Variants in MAF observed in about 807,000 individuals in gnomAD.
MAF encodes MAF bZIP transcription factor, also known as transcription factor Maf.
In MAF, 10 loss-of-function variants were observed where a neutral mutation model predicts 22.0. That is an observed-to-expected ratio of 0.45 (90% CI 0.28 to 0.77). MAF has a LOEUF of 0.77. MAF is among the 30% of genes least tolerant of loss of function. The pLI is 0.12. For synonymous variants in MAF, 337 were observed against 255.8 expected (o/e 1.32, Z -3.03); for missense variants, 544 against 548.4 (o/e 0.99, Z 0.08).
the MAF span, among the ~76,000 whole-genome samples, chr16:79,389,032 C>T: frequency 3.9e-5 from 6 of 152,254 alleles, no homozygotes; most frequent in East Asian, 7.7e-4. Context: ...ATTTCAGAAA[C>T]AATAATTCAC....
At chr16:79,317,029 G>A in the MAF span, among the ~76,000 whole-genome samples, 1 of 152,298 alleles carries the variant, frequency 6.6e-6, no homozygotes, top group South Asian at 2.1e-4. Flanking sequence ...ACAAGTAAGA[G>A]ATGGAGCCAA....
At chr16:79,269,996 A>T in the MAF span, among the ~76,000 whole-genome samples, 1 of 152,142 alleles carries the variant, frequency 6.6e-6, no homozygotes, top group African/African-American at 2.4e-5. Flanking sequence ...TTCATTCCAG[A>T]AAGATCACAG....
chr16:79,212,027 C>A, the MAF span: 1 of 1,536,270 alleles, frequency 6.5e-7, no homozygotes, highest in East Asian at 2.4e-5. Context: ...TCTTTGCTTT[C>A]TGGTGGTGGC....
At chr16:79,439,257 C>CTTTTTTTTTT in the MAF span, among the ~76,000 whole-genome samples, 1 of 130,804 alleles carries the variant, frequency 7.6e-6, no homozygotes, top group Non-Finnish European at 1.6e-5. Flanking sequence ...TAGGTACTTA[C>CTTTTTTTTTT]TTTTTTTTTT....
the MAF span, among the ~76,000 whole-genome samples, chr16:79,404,412 T>G: frequency 3.9e-5 from 6 of 152,174 alleles, no homozygotes; most frequent in Admixed American, 6.5e-5. Context: ...TCTGCCCGCC[T>G]TGGCCTCCCA....
the MAF span, among the ~76,000 whole-genome samples, chr16:79,291,942 G>A: frequency 6.6e-6 from 1 of 151,160 alleles, no homozygotes; most frequent in African/African-American, 2.4e-5. Context: ...TTCTCATGAG[G>A]GTACAACAGT....
chr16:79,426,603 C>T, the MAF span, among the ~76,000 whole-genome samples: 125 of 152,284 alleles, frequency 8.2e-4, 1 homozygote, highest in East Asian at 0.018. Flanking sequence ...GTGACCCAGG[C>T]CTGACCAAAC....
At chr16:79,589,188 G>A (rs30406), downstream of MAF, among the ~76,000 whole-genome samples, 21,218 of 152,170 alleles carry the variant, frequency 0.14, 1,796 homozygotes, top group South Asian at 0.19. Context: ...TCATGGAAAA[G>A]ATGCTTTCTG....
At chr16:79,222,201 G>C in the MAF span, among the ~76,000 whole-genome samples, 1 of 152,274 alleles carries the variant, frequency 6.6e-6, no homozygotes, top group Middle Eastern at 3.4e-3. Context: ...TTAAAGAAAA[G>C]AATTTTCAAC....
chr16:79,211,226 A>T, the MAF span, among the ~76,000 whole-genome samples: 1 of 152,164 alleles, frequency 6.6e-6, no homozygotes, highest in Non-Finnish European at 1.5e-5. Context: ...TTGGTATCGA[A>T]TTACATTATA....
At chr16:79,592,006 C>G (rs953882368), downstream of MAF, among the ~76,000 whole-genome samples, 1 of 152,192 alleles carries the variant, frequency 6.6e-6, no homozygotes, top group Non-Finnish European at 1.5e-5. Context: ...TTACTTCTGG[C>G]ATACATGCAC....
chr16:79,563,977 G>A, the MAF span, among the ~76,000 whole-genome samples: 13 of 152,386 alleles, frequency 8.5e-5, no homozygotes, highest in East Asian at 2.5e-3. Flanking sequence ...GCTTAGGTTT[G>A]AAGTTTATTC....
At chr16:79,385,773 C>T in the MAF span, among the ~76,000 whole-genome samples, 12 of 152,234 alleles carry the variant, frequency 7.9e-5, no homozygotes, top group East Asian at 5.8e-4. Flanking sequence ...TGGTAGTACA[C>T]GCCTGTAATC....
chr16:79,312,863 G>A, the MAF span, among the ~76,000 whole-genome samples: 18 of 152,272 alleles, frequency 1.2e-4, no homozygotes, highest in African/African-American at 4.3e-4. Flanking sequence ...TACTTACTCT[G>A]CAACTGGGGA....
the MAF span, among the ~76,000 whole-genome samples, chr16:79,508,496 C>T: frequency 6.6e-6 from 1 of 152,146 alleles, no homozygotes; most frequent in Non-Finnish European, 1.5e-5. Flanking sequence ...AGTCCCAGGG[C>T]GCTGCTCAGC....
the MAF span, among the ~76,000 whole-genome samples, chr16:79,478,432 A>C: frequency 1.3e-5 from 2 of 152,152 alleles, no homozygotes; most frequent in African/African-American, 4.8e-5. Flanking sequence ...GCCTACAGTC[A>C]TCCATGGCTA....
the MAF span, among the ~76,000 whole-genome samples, chr16:79,292,086 C>T: frequency 6.6e-6 from 1 of 151,990 alleles, no homozygotes; most frequent in African/African-American, 2.4e-5. Context: ...AAAGAAGACA[C>T]TGGGACAAGG....
the MAF span, among the ~76,000 whole-genome samples, chr16:79,483,826 A>G: frequency 1.3e-5 from 2 of 152,156 alleles, no homozygotes; most frequent in South Asian, 4.1e-4. Flanking sequence ...CCTGTGAGCA[A>G]ATAAGCAATG....
At chr16:79,535,896 G>C in the MAF span, among the ~76,000 whole-genome samples, 5 of 152,170 alleles carry the variant, frequency 3.3e-5, no homozygotes, top group Non-Finnish European at 7.3e-5. Flanking sequence ...TTCAGCTTTA[G>C]AAGCAATAGT....
Sources: gnomAD v4.1 joint callset for allele counts (sites outside exome capture counted in the v4.1 genomes callset) on GRCh38, gnomAD v4.1.1 for gene constraint, MANE v1.5 for transcripts, NCBI Gene and HGNC (gene_info 2026-07-23, HGNC 2026-07-21) for gene names.